CHFR: variants seen among roughly 807,000 people sequenced by gnomAD.
CHFR encodes the protein checkpoint with forkhead and ring finger domains, also known as E3 ubiquitin-protein ligase CHFR.
CHFR carries 57 observed loss-of-function variants against 87.6 expected under a neutral mutation model. The observed-to-expected ratio is 0.65, with a 90% CI of 0.53 to 0.81. The LOEUF (loss-of-function observed/expected upper bound fraction) is 0.81. Ranked by LOEUF, CHFR falls within the 30% of genes least tolerant of loss-of-function variation. CHFR has a pLI of 0.00. For missense variants in CHFR, 797 were observed against 865.8 expected, an observed-to-expected ratio of 0.92 and a Z score of 1.00; for synonymous variants, 381 against 359.2, an observed-to-expected ratio of 1.06 and a Z score of -0.69.
rs1283989776 is a variant in CHFR at position 132,869,607 on chromosome 12, A to G, written c.583+12T>C. ...GCAACCAGCACCAAGACCTCATGAG[A>G]TGTGACCTCACCACAACTGGAGGAA... is the stretch of plus-strand genomic sequence containing the variant. On this transcript the variant is annotated intron_variant, in intron 6 of 17. Transcript: ENST00000450056. 2 of 1,550,958 alleles carry G rather than the reference A, an allele frequency of 1.3e-6. No individual in the cohort carries two copies. Among genetic ancestry groups the G allele is most frequent in the Admixed American group, 3.9e-5 (2 of 50,982 alleles).
Position 132,861,520 on chromosome 12 carries a change from A to G in CHFR, c.698T>C (p.Leu233Ser). 1 of 1,614,228 alleles carries G rather than the reference A, an allele frequency of 6.2e-7. No homozygotes were observed. The highest frequency in any genetic ancestry group is 8.5e-7 in the Non-Finnish European group (1 of 1,180,042). Residue 233 changes from leucine to serine, a missense_variant, in exon 7 of 18, where the codon TTG becomes TCG. Around this residue, in one of 2 missense-constraint regions of CHFR, gnomAD observed 597 missense variants for 601.2 expected, o/e 0.99. Coordinates refer to ENST00000450056, the MANE Select transcript of CHFR (RefSeq NM_001161346.2). ...CAAATCCTCCTGATCCTGGGGTTCC[A>G]ACGACGAAAAGGACGCAGTCTTTCT... ...PDRKTASFSSLEPQDQEDLEP... is the reference protein window; with the variant it reads ...PDRKTASFSSSEPQDQEDLEP...
chr12:132,856,590 G>A lies in CHFR; in HGVS notation c.1107C>T (p.Ala369=), dbSNP rs369063253. ...RSEEDVQSMD[A]RNKITQDMLQ... is the part of the protein sequence containing the mutation. ...GCATGTCTTGAGTGATTTTATTTCT[G>A]GCATCCATACTTTGCACATCTTCTT... The change falls in exon 10 of 18, where the codon GCC becomes GCT. Residue 369 remains alanine (A), a synonymous_variant. Transcript: ENST00000450056. 8.1e-6 allele frequency: 13 copies of A among 1,614,158 alleles called. No homozygotes were observed. The highest frequency in any genetic ancestry group is 1.1e-5 in the South Asian group (1 of 91,088).
Position 132,859,217 on chromosome 12 carries a change from A to G in CHFR, c.762T>C (p.Leu254=). The change falls in exon 8 of 18, where the codon CTT becomes CTC. Residue 254 remains leucine (L), a synonymous_variant. Coordinates refer to ENST00000450056, the MANE Select transcript of CHFR (RefSeq NM_001161346.2). ...VKKKMRGDGD[L]DLNGQLLVAQ... ...CGACCAACAACTGCCCGTTCAGGTC[A>G]AGGTCCCCATCTACAGGAGAAAGGG... The G allele has an allele frequency of 6.2e-7, 1 of 1,612,954 alleles. No individual in the cohort carries two copies. The highest frequency in any genetic ancestry group is 8.5e-7 in the Non-Finnish European group (1 of 1,179,432).
At chr12:132,861,354 G>A (rs1951205616) in intron 7 of CHFR, 113 bp downstream of exon 7, 2 of 1,064,954 alleles carry the variant, frequency 1.9e-6, no homozygotes, top group Non-Finnish European at 2.8e-6. Context: ...CCTGAGGCAG[G>A]GTCCACATGC....
At position 132,853,503 on chromosome 12, in the gene CHFR, C is replaced by T; in HGVS notation, c.1300G>A (p.Ala434Thr). 6.5e-7 allele frequency: 1 copy of T among 1,535,240 alleles called. No individual in the cohort carries two copies. The highest frequency in any genetic ancestry group is 2.5e-5 in the East Asian group (1 of 39,950). ...GGGGCTCCTGGCTCGCCCTCGGGTG[C>T]TGGGCAGTGGGGAGGCTGCGCCGCC... ...RQAAQPPHCP[A>T]PEGEPGAPQA... The change falls in exon 11 of 18, where the codon GCA becomes ACA. Residue 434 changes from alanine (A) to threonine (T), a missense_variant. Ala to Thr is a moderately conservative substitution (Grantham distance 58). This residue lies in a region of CHFR where 597 missense variants were observed against 601.2 expected (regional missense o/e 0.99). Transcript: ENST00000450056.
At chr12:132,857,693 G>A in intron 8 of CHFR, 134 bp from the exon 9 acceptor site, 2 of 783,634 alleles carry the variant, frequency 2.6e-6, no homozygotes, top group Non-Finnish European at 4.0e-6. Context: ...AACCCTTTAA[G>A]TCAGTCTTGG....
chr12:132,860,305 C>T (rs1280092268), intron 7 of CHFR, among the ~76,000 whole-genome samples: 1 of 152,146 alleles, frequency 6.6e-6, no homozygotes, highest in Non-Finnish European at 1.5e-5. Flanking sequence ...TAACAGATTA[C>T]ATTAGTTCAT....
chr12:132,866,266 G>A (rs1951333458), intron 6 of CHFR: 1 of 152,212 alleles, frequency 6.6e-6, no homozygotes, highest in Non-Finnish European at 1.5e-5. Flanking sequence ...AATCACATCA[G>A]AATGTTACAA....
chr12:132,872,492 C>T, intron 3 of CHFR, 98 bp from the exon 4 acceptor site: 1 of 738,108 alleles, frequency 1.4e-6, no homozygotes, highest in Non-Finnish European at 2.4e-6. Flanking sequence ...GATATGACCA[C>T]TCTGGAAATA....
chr12:132,857,461 A>C lies in CHFR; in HGVS notation c.1010T>G (p.Ile337Ser). The C allele has an allele frequency of 6.2e-7, 1 of 1,614,164 alleles. No individual in the cohort carries two copies. Among genetic ancestry groups the C allele is most frequent in the Middle Eastern group, 1.6e-4 (1 of 6,062 alleles). ...CPTCRCPVER[I>S]CKNHILNNLV... ...GTTGTTGAGGATGTGGTTTTTACAGATCCGCTCCACGGGACAGCGGCAGGT... is the reference window on the plus strand; with the variant it reads ...GTTGTTGAGGATGTGGTTTTTACAGCTCCGCTCCACGGGACAGCGGCAGGT... Residue 337 changes from isoleucine (I) to serine (S), a missense_variant, in exon 9 of 18, where the codon ATC becomes AGC. Coordinates refer to ENST00000450056, the MANE Select transcript of CHFR (RefSeq NM_001161346.2).
At chr12:132,861,090 C>T (rs1951199627) in intron 7 of CHFR, among the ~76,000 whole-genome samples, 4 of 152,070 alleles carry the variant, frequency 2.6e-5, no homozygotes, top group Admixed American at 2.6e-4. Flanking sequence ...TGCTCTGTCG[C>T]CCAGGCTGGT....
intron 11 of CHFR, among the ~76,000 whole-genome samples, chr12:132,851,941 C>T (rs1566180495): frequency 6.6e-6 from 1 of 152,052 alleles, no homozygotes; most frequent in Non-Finnish European, 1.5e-5. Context: ...CAAAAATGAT[C>T]TTTGATTTAG....
chr12:132,857,570 A>G lies in CHFR; in HGVS notation c.912-11T>C, dbSNP rs768948847. 2 of 1,613,150 alleles carry G rather than the reference A, an allele frequency of 1.2e-6. No individual in the cohort carries two copies. Among genetic ancestry groups the G allele is most frequent in the Admixed American group, 1.7e-5 (1 of 59,876 alleles). On this transcript the variant is annotated splice_polypyrimidine_tract_variant and intron_variant, in intron 8 of 17. Coordinates refer to ENST00000450056, the MANE Select transcript of CHFR (RefSeq NM_001161346.2). ...ATGCAGGGCTGCAAACTGAAAGTGC[A>G]AGAGGAACAGTGTCCAGACAGTCCC...
chr12:132,858,969 A>C, intron 8 of CHFR, 99 bp downstream of exon 8: 1 of 1,225,012 alleles, frequency 8.2e-7, no homozygotes, highest in Admixed American at 2.6e-5. Flanking sequence ...GCCAGGCCAA[A>C]CAGGACCTGC....
intron 1 of CHFR, 60 bp from the exon 2 acceptor site, chr12:132,887,400 C>T (rs1244207700): frequency 8.4e-7 from 1 of 1,191,588 alleles, no homozygotes; most frequent in Non-Finnish European, 1.0e-6. Flanking sequence ...AGACTCGGCG[C>T]CCGCCCCACC....
rs1950658215 is a variant in CHFR at position 132,837,722 on chromosome 12, T to A, written c.*3832A>T. The stretch of plus-strand genomic sequence containing the variant: ...TGGTCAGCGCGCGGATCTGCAGGGC[T>A]AGGCTGTGCTCTGCATGCGGCCCTC... On this transcript the variant is annotated 3_prime_UTR_variant, in exon 18 of 18. Transcript: ENST00000450056. 1 of 152,318 alleles carries A rather than the reference T, an allele frequency of 6.6e-6. No homozygotes were observed. Among genetic ancestry groups the A allele is most frequent in the Admixed American group, 6.5e-5 (1 of 15,286 alleles). 9.4% of individuals were successfully genotyped at this position (152,318 alleles called of 1,614,324 possible).
intron 2 of CHFR, among the ~76,000 whole-genome samples, chr12:132,885,658 G>A (rs1291408614): frequency 6.6e-6 from 1 of 152,114 alleles, no homozygotes; most frequent in East Asian, 1.9e-4. Context: ...TGTATAACAT[G>A]TTACAATAAC....
chr12:132,874,419 C>T (rs2137034362), intron 3 of CHFR, among the ~76,000 whole-genome samples: 1 of 150,312 alleles, frequency 6.7e-6, no homozygotes, highest in East Asian at 2.0e-4. Flanking sequence ...GGACCAGCAC[C>T]CAGCGCGGGG....
intron 5 of CHFR, 65 bp downstream of exon 5, chr12:132,870,659 C>A: frequency 8.3e-7 from 1 of 1,199,240 alleles, no homozygotes; most frequent in South Asian, 1.3e-5. Flanking sequence ...GACTCCATCT[C>A]AAAACACAAA....
Sources: allele counts gnomAD v4.1 joint callset (sites outside exome capture counted in the v4.1 genomes callset), GRCh38; gene constraint gnomAD v4.1.1; regional missense constraint gnomAD v4.1.1; transcripts MANE v1.5; gene names NCBI Gene and HGNC (gene_info 2026-07-23, HGNC 2026-07-21).